Variants in RBFOX3 observed in about 807,000 individuals in gnomAD.
The protein encoded by RBFOX3 is RNA binding protein fox-1 homolog 3.
RBFOX3 carries 17 observed loss-of-function variants against 48.7 expected under a neutral mutation model. That is an observed-to-expected ratio of 0.35 (90% CI 0.24 to 0.52). The LOEUF is 0.52. Among genes scored for constraint, RBFOX3 ranks in the 20% least tolerant of loss-of-function variants. RBFOX3 has a pLI of 0.94. For missense variants in RBFOX3, 382 were observed against 497.5 expected (o/e 0.77, Z 2.21); for synonymous variants, 212 against 209.5 (o/e 1.01, Z -0.10).
intron 2 of RBFOX3, among the ~76,000 whole-genome samples, chr17:79,337,011 T>C (rs1335448491): frequency 6.6e-6 from 1 of 152,100 alleles, no homozygotes; most frequent in East Asian, 1.9e-4. Flanking sequence ...TCCCAGCTAC[T>C]TGGGAAGCTG....
chr17:79,280,111 T>TGC (rs1187821395), intron 3 of RBFOX3, among the ~76,000 whole-genome samples: 3 of 57,112 alleles, frequency 5.3e-5, no homozygotes, highest in African/African-American at 1.4e-4. Flanking sequence ...CACATGTGTA[T>TGC]GCACACACAC....
At chr17:79,522,929 C>CAAA (rs34245309) in intron 1 of RBFOX3, among the ~76,000 whole-genome samples, 3 of 31,974 alleles carry the variant, frequency 9.4e-5, no homozygotes, top group East Asian at 2.3e-3. Context: ...GACTCCGTCT[C>CAAA]AAAAAAAAAA....
Position 79,481,244 on chromosome 17 carries a change from G to T in RBFOX3, c.-175+1210C>A, listed in dbSNP as rs1019339231. Among the ~76,000 whole-genome samples the T allele has an allele frequency of 6.6e-6, 1 of 152,170 alleles. No homozygotes were observed. Among genetic ancestry groups the T allele is most frequent in the Non-Finnish European group, 1.5e-5 (1 of 68,030 alleles). Reference sequence around the variant, plus strand: ...CGGCATCATCTGCTCAGCCTACAGTGGGTCATCATGCAAAGCCTGCCTGCA... The same window carrying T: ...CGGCATCATCTGCTCAGCCTACAGTTGGTCATCATGCAAAGCCTGCCTGCA... On this transcript the variant is annotated intron_variant, in intron 2 of 14. Transcript: ENST00000693108. The surrounding 1 kb of genome is among the most constrained non-coding windows in gnomAD (Gnocchi z 5.4).
chr17:79,371,839 G>C (rs1044353149), intron 2 of RBFOX3, among the ~76,000 whole-genome samples: 14 of 152,178 alleles, frequency 9.2e-5, no homozygotes, highest in African/African-American at 3.4e-4. Context: ...TGAGAAGCGT[G>C]TCTCTGCTGT....
At position 79,443,520 on chromosome 17, in the gene RBFOX3, T is replaced by G. The variant is rs1404336828; in HGVS notation, c.-175+38934A>C. Among the ~76,000 whole-genome samples the G allele has an allele frequency of 6.6e-6, 1 of 151,994 alleles. No homozygotes were observed. The highest frequency in any genetic ancestry group is 1.9e-4 in the East Asian group (1 of 5,162). On this transcript the variant is annotated intron_variant, in intron 2 of 14. Transcript: ENST00000693108. This position sits in a 1 kb window ranked among gnomAD's most constrained non-coding sequence, Gnocchi z 4.4. Reference sequence around the variant, plus strand: ...GCCTCAGCCTCTTGAGTAGCTGGGATTATAGGCACCTGACACCACTCCCGG... The same window carrying G: ...GCCTCAGCCTCTTGAGTAGCTGGGAGTATAGGCACCTGACACCACTCCCGG...
intron 1 of RBFOX3, among the ~76,000 whole-genome samples, chr17:79,577,766 G>A (rs1599201661): frequency 6.6e-6 from 1 of 152,234 alleles, no homozygotes; most frequent in Non-Finnish European, 1.5e-5. Context: ...AAAGGAGAAG[G>A]GGAGGGAGAG....
rs993775248 is a variant in RBFOX3 at position 79,574,656 on chromosome 17, T to C, written c.-320+36170A>G. ...AAGAAGTAACTATAAGTATACTCCG[T>C]TGAGTAGCCCATGCCGCTGCTCCGC... On this transcript the variant is annotated intron_variant, in intron 1 of 14. Transcript: ENST00000693108. Among the ~76,000 whole-genome samples, 4 of 152,346 alleles carry C rather than the reference T, an allele frequency of 2.6e-5. No individual in the cohort carries two copies. In the South Asian group the frequency reaches 8.3e-4, roughly 32 times the overall value.
chr17:79,333,885 C>G (rs555682503), intron 2 of RBFOX3, among the ~76,000 whole-genome samples: 1 of 152,140 alleles, frequency 6.6e-6, no homozygotes, highest in Non-Finnish European at 1.5e-5. Flanking sequence ...GACCTTCCCC[C>G]TCTCCCAGAT....
At chr17:79,332,467 G>A (rs1040033320) in intron 2 of RBFOX3, among the ~76,000 whole-genome samples, 1 of 152,042 alleles carries the variant, frequency 6.6e-6, no homozygotes, top group Non-Finnish European at 1.5e-5. Context: ...GAGCACCTGA[G>A]TCAATGAACA....
chr17:79,316,301 CAG>C (rs1204667191), intron 2 of RBFOX3, among the ~76,000 whole-genome samples: 1 of 152,186 alleles, frequency 6.6e-6, no homozygotes, highest in African/African-American at 2.4e-5. Flanking sequence ...ATGAAACAAA[CAG>C]AGAAGTTTCC....
chr17:79,347,880 T>C (rs2083169160), intron 2 of RBFOX3, among the ~76,000 whole-genome samples: 1 of 152,234 alleles, frequency 6.6e-6, no homozygotes, highest in Non-Finnish European at 1.5e-5. Flanking sequence ...GCTTCTCGAA[T>C]ACCTTGTTAT....
intron 2 of RBFOX3, among the ~76,000 whole-genome samples, chr17:79,440,172 G>A (rs538559024): frequency 6.6e-6 from 1 of 152,316 alleles, no homozygotes; most frequent in East Asian, 1.9e-4. Context: ...AGATAAAGCC[G>A]TGTCTAATTT....
At chr17:79,365,990 A>G (rs1360166692) in intron 2 of RBFOX3, among the ~76,000 whole-genome samples, 1 of 152,232 alleles carries the variant, frequency 6.6e-6, no homozygotes, top group African/African-American at 2.4e-5. Context: ...GCCACTGCAC[A>G]TTTCTGATCT....
intron 2 of RBFOX3, among the ~76,000 whole-genome samples, chr17:79,411,941 T>A (rs570811518): frequency 2.5e-4 from 38 of 152,238 alleles, no homozygotes; most frequent in African/African-American, 8.4e-4. Flanking sequence ...GTAGTATGTG[T>A]GCGTGTATGC....
At chr17:79,652,096 C>T in the RBFOX3 span, among the ~76,000 whole-genome samples, 3 of 152,026 alleles carry the variant, frequency 2.0e-5, no homozygotes, top group Non-Finnish European at 4.4e-5. Context: ...CCAGATCCCC[C>T]GCCCATGGAA....
chr17:79,262,377 C>T (rs1422529454), intron 3 of RBFOX3, among the ~76,000 whole-genome samples: 2 of 152,266 alleles, frequency 1.3e-5, no homozygotes, highest in Admixed American at 1.3e-4. Flanking sequence ...GCAAGCAGAT[C>T]CCACTGAGGG....
chr17:79,482,220 A>C lies in RBFOX3; in HGVS notation c.-175+234T>G, dbSNP rs1004934714. 1.3e-5 allele frequency among the ~76,000 whole-genome samples: 2 copies of C among 151,036 alleles called. No homozygotes were observed. Among genetic ancestry groups the C allele is most frequent in the East Asian group, 3.9e-4 (2 of 5,094 alleles). On this transcript the variant is annotated intron_variant, in intron 2 of 14. Coordinates refer to ENST00000693108, the MANE Select transcript of RBFOX3 (RefSeq NM_001350451.2). This position sits in a 1 kb window ranked among gnomAD's most constrained non-coding sequence, Gnocchi z 4.1. ...CCCGCAGCCAGGCTGATGGGCTTCG[A>C]GGTACAAAGAGCGGTCACTCCTTAA...
intron 2 of RBFOX3, among the ~76,000 whole-genome samples, chr17:79,343,121 T>G (rs1355438329): frequency 6.6e-6 from 1 of 152,220 alleles, no homozygotes; most frequent in Non-Finnish European, 1.5e-5. Flanking sequence ...TGCTGGTGAT[T>G]CACTGTGACT....
chr17:79,246,447 G>T (rs951480312), intron 3 of RBFOX3, among the ~76,000 whole-genome samples: 2 of 152,244 alleles, frequency 1.3e-5, no homozygotes, highest in African/African-American at 4.8e-5. Flanking sequence ...TCCTTCTACT[G>T]TGAACCTAAG....
Sources: allele counts gnomAD v4.1 joint callset (sites outside exome capture counted in the v4.1 genomes callset), GRCh38; gene constraint gnomAD v4.1.1; non-coding constraint Gnocchi (gnomAD v3.1); transcripts MANE v1.5; gene names NCBI Gene and HGNC (gene_info 2026-07-23, HGNC 2026-07-21).